HMGA2: variants seen among roughly 807,000 people sequenced by gnomAD.
HMGA2 encodes high mobility group AT-hook 2.
Under a neutral mutation model 19.1 loss-of-function variants are expected in HMGA2, and 8 were observed. That is an observed-to-expected ratio of 0.42 (90% confidence interval 0.25 to 0.76). HMGA2 has a LOEUF of 0.76. HMGA2 is among the 30% of genes least tolerant of loss of function. HMGA2 has a pLI of 0.28. For missense variants in HMGA2, 109 were observed against 136.3 expected, an observed-to-expected ratio of 0.80 and a Z score of 1.00; for synonymous variants, 60 against 48.8, an observed-to-expected ratio of 1.23 and a Z score of -0.96.
chr12:65,875,584 C>T (rs915335939), intron 3 of HMGA2, among the ~76,000 whole-genome samples: 8 of 53,628 alleles, frequency 1.5e-4, no homozygotes, highest in South Asian at 5.9e-4. Context: ...CCACCGTGCC[C>T]GGCTATTTTT....
At chr12:65,952,636 T>C (rs1876496369) in intron 4 of HMGA2, 2 of 600,768 alleles carry the variant, frequency 3.3e-6, no homozygotes, top group Non-Finnish European at 5.0e-6. Context: ...TTTAAAAATA[T>C]ATACATATAA....
intron 2 of HMGA2, among the ~76,000 whole-genome samples, chr12:65,829,752 C>T (rs1167766876): frequency 2.0e-5 from 3 of 151,942 alleles, no homozygotes; most frequent in African/African-American, 4.8e-5. Flanking sequence ...ACGCTCCCAT[C>T]GCCTCCGCTT....
chr12:65,918,321 A>G (rs1426207084), intron 3 of HMGA2, among the ~76,000 whole-genome samples: 2 of 152,176 alleles, frequency 1.3e-5, no homozygotes, highest in African/African-American at 4.8e-5. Flanking sequence ...ATGTTCCTTT[A>G]ATTTTGTGAT....
chr12:65,830,789 A>G (rs1295395103), intron 2 of HMGA2: 3 of 151,936 alleles, frequency 2.0e-5, no homozygotes, highest in Non-Finnish European at 4.4e-5. Flanking sequence ...TTCAATTTCA[A>G]ACCATATTCA....
chr12:65,945,801 G>A (rs1283863577), intron 3 of HMGA2, among the ~76,000 whole-genome samples: 1 of 152,132 alleles, frequency 6.6e-6, no homozygotes, highest in East Asian at 1.9e-4. Context: ...ATTTTGTCTA[G>A]AAATCAGTGA....
intron 3 of HMGA2, chr12:65,915,146 G>A: frequency 1.9e-6 from 3 of 1,613,374 alleles, no homozygotes; most frequent in South Asian, 2.2e-5. Context: ...CATTGGAGGA[G>A]TCCAGGATAG....
chr12:65,863,444 C>T (rs986361668), intron 3 of HMGA2, among the ~76,000 whole-genome samples: 1 of 152,052 alleles, frequency 6.6e-6, no homozygotes, highest in Non-Finnish European at 1.5e-5. Context: ...GGCACAAGTG[C>T]AAGTCCTGGT....
Position 65,825,814 on chromosome 12 carries a change from G to A in HMGA2, c.111+433G>A, listed in dbSNP as rs2120812871. Among the ~76,000 whole-genome samples the A allele has an allele frequency of 6.6e-6, 1 of 152,224 alleles. No individual in the cohort carries two copies. The highest frequency in any genetic ancestry group is 2.4e-5 in the African/African-American group (1 of 41,560). On this transcript the variant is annotated intron_variant, in intron 1 of 4. Transcript: ENST00000403681. The surrounding 1 kb of genome is among the most constrained non-coding windows in gnomAD (Gnocchi z 4.4). ...GGCGCTTCGGCCGATCTGGGCTGAA[G>A]GGGCTAGAGTCTTGGGGGCCGGAGG... is the stretch of plus-strand genomic sequence containing the variant.
chr12:65,870,534 C>A (rs950034067), intron 3 of HMGA2, among the ~76,000 whole-genome samples: 1 of 151,924 alleles, frequency 6.6e-6, no homozygotes, highest in Admixed American at 6.6e-5. Context: ...AGTTCGAGAC[C>A]AGCCTGGCCA....
chr12:65,843,286 G>C, intron 3 of HMGA2: 1 of 219,046 alleles, frequency 4.6e-6, no homozygotes, highest in Non-Finnish European at 9.2e-6. Context: ...GCAGTACGTT[G>C]ATTAAAAAAT....
intron 3 of HMGA2, among the ~76,000 whole-genome samples, chr12:65,839,106 T>C (rs1870883486): frequency 6.6e-6 from 1 of 151,656 alleles, no homozygotes; most frequent in Non-Finnish European, 1.5e-5. Context: ...AGGGTTTATT[T>C]TGAGTTTTTC....
At chr12:65,932,409 T>C (rs1207263424) in intron 3 of HMGA2, among the ~76,000 whole-genome samples, 1 of 152,262 alleles carries the variant, frequency 6.6e-6, no homozygotes, top group African/African-American at 2.4e-5. Context: ...GCAAAGATCA[T>C]ATTCTTTCAT....
intron 3 of HMGA2, among the ~76,000 whole-genome samples, chr12:65,870,457 G>A (rs1023630742): frequency 4.6e-5 from 7 of 152,296 alleles, no homozygotes; most frequent in Admixed American, 6.5e-5. Flanking sequence ...GGGGGCAGGC[G>A]TGGTGGCTCA....
rs1411384544 is a variant in HMGA2 at position 65,825,611 on chromosome 12, A to T, written c.111+230A>T. ...GGAGCCGCGGCGGGCGGCCCGGGGA[A>T]GGCGGGAGGTGGGGTCGGGCGAAGC... On this transcript the variant is annotated intron_variant, in intron 1 of 4. Coordinates refer to ENST00000403681, the MANE Select transcript of HMGA2 (RefSeq NM_003483.6). The surrounding 1 kb of genome is among the most constrained non-coding windows in gnomAD (Gnocchi z 4.4). Among the ~76,000 whole-genome samples the T allele has an allele frequency of 6.6e-6, 1 of 150,570 alleles. No homozygotes were observed. Among genetic ancestry groups the T allele is most frequent in the Non-Finnish European group, 1.5e-5 (1 of 67,492 alleles).
At chr12:65,939,548 G>A (rs1234388762) in intron 3 of HMGA2, among the ~76,000 whole-genome samples, 1 of 152,070 alleles carries the variant, frequency 6.6e-6, no homozygotes, top group Non-Finnish European at 1.5e-5. Context: ...TAGAGATGGG[G>A]TTTCACCATG....
Position 65,965,876 on chromosome 12 carries a change from A to C in HMGA2, c.*2584A>C. 4.7e-6 allele frequency: 1 copy of C among 214,734 alleles called. No individual in the cohort carries two copies. Among genetic ancestry groups the C allele is most frequent in the Non-Finnish European group, 9.4e-6 (1 of 106,112 alleles). 13.3% of individuals were successfully genotyped at this position (214,734 alleles called of 1,614,324 possible). A position where few individuals can be genotyped will look rare whatever the true frequency, so the allele number is the denominator to read the frequency against. On this transcript the variant is annotated 3_prime_UTR_variant, in exon 5 of 5. Coordinates refer to ENST00000403681, the MANE Select transcript of HMGA2 (RefSeq NM_003483.6). Reference sequence around the variant, plus strand: ...GAAAAAAAAAGCTTGTGGCCAATGGAACAGTAAGAACATCATAAAATTTTT... The same window carrying C: ...GAAAAAAAAAGCTTGTGGCCAATGGCACAGTAAGAACATCATAAAATTTTT...
At position 65,963,704 on chromosome 12, in the gene HMGA2, G is replaced by A. The variant is rs1351067478; in HGVS notation, c.*412G>A. On this transcript the variant is annotated 3_prime_UTR_variant, in exon 5 of 5. Transcript: ENST00000403681. ...ACAAGAAACGTGTCACACTTGTGAC[G>A]TCGGGCATTCATATAGGAAGAACGC... is the stretch of plus-strand genomic sequence containing the variant. The A allele has an allele frequency of 1.4e-5, 5 of 364,872 alleles. No homozygotes were observed. The highest frequency in any genetic ancestry group is 6.7e-5 in the South Asian group (2 of 29,856). The allele number at this position is 364,872 out of a possible 1,614,324, so 22.6% of individuals were successfully genotyped here.
At chr12:65,881,751 A>G in intron 3 of HMGA2, 1 of 703,024 alleles carries the variant, frequency 1.4e-6, no homozygotes, top group East Asian at 2.7e-5. Context: ...AGTGGTTGCT[A>G]ATGAAGAGCC....
intron 2 of HMGA2, 83 bp downstream of exon 2, chr12:65,828,170 C>G (rs1017952694): frequency 2.0e-6 from 2 of 1,000,004 alleles, no homozygotes; most frequent in East Asian, 2.4e-5. Flanking sequence ...ATTCTAACTC[C>G]GCAGCCAGGA....
Sources: allele counts gnomAD v4.1 joint callset (sites outside exome capture counted in the v4.1 genomes callset), GRCh38; gene constraint gnomAD v4.1.1; non-coding constraint Gnocchi (gnomAD v3.1); transcripts MANE v1.5; gene names NCBI Gene and HGNC (gene_info 2026-07-23, HGNC 2026-07-21).